TULP4: variants seen among roughly 807,000 people sequenced by gnomAD.
TULP4 encodes TUB like protein 4.
Under a neutral mutation model 129.0 loss-of-function variants are expected in TULP4, and 16 were observed. The ratio of observed to expected loss-of-function variants is 0.12; its 90% CI spans 0.08 to 0.19. TULP4 has a LOEUF of 0.19. TULP4 is among the 10% of genes least tolerant of loss of function. The pLI, the probability that TULP4 is intolerant of heterozygous loss-of-function variation, is 1.00. For synonymous variants in TULP4, 998 were observed against 854.0 expected (o/e 1.17, Z -2.94); for missense variants, 1,842 against 2,059.1 (o/e 0.89, Z 2.04).
rs566867352 is a variant in TULP4 at position 158,312,920 on chromosome 6, A to G, written c.-1097A>G. 6.6e-6 allele frequency: 1 copy of G among 152,300 alleles called. No individual in the cohort carries two copies. Among genetic ancestry groups the G allele is most frequent in the Non-Finnish European group, 1.5e-5 (1 of 68,036 alleles). The allele number at this position is 152,300 out of a possible 1,614,324, so 9.4% of individuals were successfully genotyped here. On this transcript the variant is annotated 5_prime_UTR_variant, in exon 1 of 14. Transcript: ENST00000367097. ...GCTTCTGCTTTTGTTTTAAGGGATT[A>G]ACTTCCCTGTCAAGTCCAAGAAGAC...
At chr6:158,382,278 AG>A (rs1777344855) in intron 1 of TULP4, among the ~76,000 whole-genome samples, 1 of 152,202 alleles carries the variant, frequency 6.6e-6, no homozygotes, top group Non-Finnish European at 1.5e-5. Flanking sequence ...GGCTTTATCC[AG>A]GGTCCCTGTG....
rs560299349 is a variant in TULP4 at position 158,457,176 on chromosome 6, C to T, written c.860-4387C>T. 3.9e-5 allele frequency among the ~76,000 whole-genome samples: 6 copies of T among 152,250 alleles called. No homozygotes were observed. The South Asian group carries it at 1.2e-3, about 32-fold the overall frequency. ...GAGGAAATTAAAAAGGTCTCCGATC[C>T]ACTTGGTTTTTCTCTATTACTGTCT... On this transcript the variant is annotated intron_variant, in intron 5 of 13. Coordinates refer to ENST00000367097, the MANE Select transcript of TULP4 (RefSeq NM_020245.5).
At chr6:158,305,012 C>T (rs142660945) in intron 1 of TULP4, among the ~76,000 whole-genome samples, 78 of 152,146 alleles carry the variant, frequency 5.1e-4, no homozygotes, top group Middle Eastern at 6.8e-3. Flanking sequence ...TATTAAAGTA[C>T]ATTCACATTA....
chr6:158,504,023 G>C lies in TULP4; in HGVS notation c.4360G>C (p.Glu1454Gln), dbSNP rs1371178919. The change falls in exon 13 of 14, where the codon GAG (glutamate) becomes CAG (glutamine). Residue 1454 changes from glutamate to glutamine, a missense_variant. By Grantham distance (29) the Glu-to-Gln change is conservative. Coordinates refer to ENST00000367097, the MANE Select transcript of TULP4 (RefSeq NM_020245.5). ...CAAGTGCCGGCGGGCCAGTGAGAAGGAGGACGGGCGGCTGGGCAGCCAAGG... is the reference window on the plus strand; with the variant it reads ...CAAGTGCCGGCGGGCCAGTGAGAAGCAGGACGGGCGGCTGGGCAGCCAAGG... ...EAKCRRASEK[E>Q]DGRLGSQGFV... 6.2e-7 allele frequency: 1 copy of C among 1,611,814 alleles called. No homozygotes were observed. The highest frequency in any genetic ancestry group is 2.2e-5 in the East Asian group (1 of 44,822).
chr6:158,421,232 C>G (rs547624642), intron 2 of TULP4, among the ~76,000 whole-genome samples: 8 of 152,106 alleles, frequency 5.3e-5, no homozygotes, highest in South Asian at 4.2e-4. Context: ...CGTGGTGGCA[C>G]GCGCCTGTAG....
At chr6:158,401,050 TTTGTTGTTGTTGTTG>T (rs199720242) in intron 1 of TULP4, among the ~76,000 whole-genome samples, 3 of 147,100 alleles carry the variant, frequency 2.0e-5, no homozygotes, top group African/African-American at 5.0e-5. Context: ...GTTTGGGTTT[TTTGTTGTTGTTGTTG>T]TTGTTGTTGT....
chr6:158,387,587 A>G (rs542985503), intron 1 of TULP4, among the ~76,000 whole-genome samples: 2 of 152,332 alleles, frequency 1.3e-5, no homozygotes, highest in Non-Finnish European at 2.9e-5. Flanking sequence ...CATCCAAGGC[A>G]TGTTCTACTT....
At chr6:158,265,657 G>A (rs1778432968) in intron 1 of TULP4, among the ~76,000 whole-genome samples, 1 of 151,714 alleles carries the variant, frequency 6.6e-6, no homozygotes, top group Admixed American at 6.6e-5. Flanking sequence ...ACTCCAGCCT[G>A]GTGACAGAGC....
At chr6:158,472,605 G>A (rs982062653) in intron 6 of TULP4, among the ~76,000 whole-genome samples, 5 of 152,060 alleles carry the variant, frequency 3.3e-5, no homozygotes. Flanking sequence ...CCAAAGGCAG[G>A]GACATTTTTA....
intron 1 of TULP4, among the ~76,000 whole-genome samples, chr6:158,367,890 C>T (rs1411187602): frequency 7.1e-6 from 1 of 141,044 alleles, no homozygotes; most frequent in African/African-American, 2.6e-5. Flanking sequence ...CCAGCCTGGG[C>T]AACATGGTGA....
chr6:158,484,954 A>G (rs1780032644), intron 8 of TULP4, among the ~76,000 whole-genome samples: 1 of 152,258 alleles, frequency 6.6e-6, no homozygotes, highest in Non-Finnish European at 1.5e-5. Context: ...AAATCTCTAA[A>G]CATGTGGAAG....
chr6:158,412,957 C>T, intron 1 of TULP4, 108 bp from the exon 2 acceptor site: 1 of 1,438,804 alleles, frequency 7.0e-7, no homozygotes, highest in South Asian at 1.5e-5. Flanking sequence ...CCAGTCTTCT[C>T]CCTTTATTGA....
intron 1 of TULP4, among the ~76,000 whole-genome samples, chr6:158,390,659 G>C (rs370102673): frequency 6.6e-6 from 1 of 152,188 alleles, no homozygotes; most frequent in Non-Finnish European, 1.5e-5. Flanking sequence ...AAGATCGAAC[G>C]AAGCCTGTGT....
chr6:158,453,352 C>T (rs939520644), intron 5 of TULP4, among the ~76,000 whole-genome samples: 6 of 151,560 alleles, frequency 4.0e-5, no homozygotes, highest in South Asian at 2.1e-4. Flanking sequence ...GGCGTGGTGG[C>T]GGGCGCCTGT....
At chr6:158,458,116 C>T (rs550482830) in intron 5 of TULP4, among the ~76,000 whole-genome samples, 5 of 152,274 alleles carry the variant, frequency 3.3e-5, no homozygotes, top group Non-Finnish European at 5.9e-5. Flanking sequence ...CTTCAGACTC[C>T]AAACAGTAGC....
intron 2 of TULP4, among the ~76,000 whole-genome samples, chr6:158,423,705 A>G (rs948525672): frequency 1.3e-5 from 2 of 152,068 alleles, no homozygotes; most frequent in African/African-American, 4.8e-5. Context: ...CAGTGGCGCA[A>G]TCTTGACTCA....
rs868461620 is a variant in TULP4 at position 158,239,350 on chromosome 6, C to T, written n.68+7047C>T. 9.1e-3 allele frequency among the ~76,000 whole-genome samples: 555 copies of T among 60,878 alleles called. 20 individuals are homozygous for T. The highest frequency in any genetic ancestry group is 0.027 in the African/African-American group (524 of 19,118). 39.9% of individuals were successfully genotyped at this position (60,878 alleles called of 152,430 possible). A position where few individuals can be genotyped will look rare whatever the true frequency, so the allele number is the denominator to read the frequency against. ...TCACCTCCCGGACGGGGCGGCTGGC[C>T]GGGCAGGGGGGCTGACACCCCCCAC... On this transcript the variant is annotated intron_variant and non_coding_transcript_variant, in intron 1 of 1. Transcript: ENST00000620026.
Position 158,392,794 on chromosome 6 carries a change from CTT to C in TULP4, c.253-20247_253-20246del, listed in dbSNP as rs773565295. On this transcript the variant is annotated intron_variant, in intron 1 of 13. Transcript: ENST00000367097. ...GTACCTATTGTTTAAATTTGTATTT[CTT>C]TTTTTTTTTTTTTTTTTTTTTTTGA... Among the ~76,000 whole-genome samples the C allele has an allele frequency of 2.7e-3, 147 of 54,632 alleles. 1 individual carries two copies. The highest frequency in any genetic ancestry group is 0.011 in the African/African-American group (130 of 11,444). 35.8% of individuals were successfully genotyped at this position (54,632 alleles called of 152,430 possible). A position where few individuals can be genotyped will look rare whatever the true frequency, so the allele number is the denominator to read the frequency against.
In TULP4 at chr6:158,368,522, G is replaced by A. The variant is rs183800044; in HGVS notation, c.253-44543G>A. Among the ~76,000 whole-genome samples the A allele has an allele frequency of 2.6e-4, 40 of 152,268 alleles. No homozygotes were observed. In the East Asian group the frequency reaches 6.2e-3, roughly 23 times the overall value. ...GCCATTTGTCTTATAAAGCATATCA[G>A]GAATCTATCTCTAGTAGTGTTTCAC... On this transcript the variant is annotated intron_variant, in intron 1 of 13. Coordinates refer to ENST00000367097, the MANE Select transcript of TULP4 (RefSeq NM_020245.5).
Sources: gnomAD v4.1 joint callset for allele counts (sites outside exome capture counted in the v4.1 genomes callset) on GRCh38, gnomAD v4.1.1 for gene constraint, MANE v1.5 for transcripts, NCBI Gene and HGNC (gene_info 2026-07-23, HGNC 2026-07-21) for gene names.